Variants in USP35 observed in about 807,000 individuals in gnomAD.
The protein encoded by USP35 is ubiquitin specific peptidase 35.
USP35 carries 69 observed loss-of-function variants against 83.8 expected under a neutral mutation model. The ratio of observed to expected loss-of-function variants is 0.82; its 90% CI spans 0.68 to 1.01. USP35 has a LOEUF of 1.01. USP35 is among the 50% of genes least tolerant of loss of function. The pLI, the probability that USP35 is intolerant of heterozygous loss-of-function variation, is 0.00. For synonymous variants in USP35, 714 were observed against 589.5 expected, an observed-to-expected ratio of 1.21 and a Z score of -3.06; for missense variants, 1,503 against 1,362.5, an observed-to-expected ratio of 1.10 and a Z score of -1.62.
chr11:78,216,411 T>C (rs1021205421), downstream of USP35: 7 of 152,132 alleles, frequency 4.6e-5, no homozygotes, highest in African/African-American at 1.7e-4. Flanking sequence ...TTCAACTGAG[T>C]TGACTCCTTT....
downstream of USP35, among the ~76,000 whole-genome samples, chr11:78,219,740 G>A (rs1214776787): frequency 6.6e-6 from 1 of 152,156 alleles, no homozygotes; most frequent in Non-Finnish European, 1.5e-5. Flanking sequence ...TCTCTGTCAG[G>A]TCGCTCATCC....
intron 6 of USP35, among the ~76,000 whole-genome samples, chr11:78,202,539 C>T (rs1863386761): frequency 6.6e-6 from 1 of 152,174 alleles, no homozygotes; most frequent in Non-Finnish European, 1.5e-5. Context: ...TAAAGTTCTA[C>T]TGAAAATGAG....
downstream of USP35, chr11:78,219,360 T>C (rs772941154): frequency 6.2e-6 from 10 of 1,613,788 alleles, no homozygotes; most frequent in South Asian, 1.1e-4. Flanking sequence ...GGTCTTCTCC[T>C]TGTCCACCTG....
rs892310495 is a variant in USP35, at chr11:78,197,841, C to G, written c.674-95C>G. 7 of 1,493,630 alleles carry G rather than the reference C, an allele frequency of 4.7e-6. No individual in the cohort carries two copies. In the Admixed American group the frequency reaches 1.6e-4, roughly 33 times the overall value. The allele number at this position is 1,493,630 out of a possible 1,614,324, so 92.5% of individuals were successfully genotyped here. On this transcript the variant is annotated intron_variant, in intron 2 of 10. Transcript: ENST00000529308. The stretch of plus-strand genomic sequence containing the variant: ...GCCTCTGCTGTGCTCTTCCTAGAGG[C>G]CCAGCCCGGTTCGTTGGCTCCTGCA...
Position 78,214,049 on chromosome 11 carries a change from C to T in USP35, c.*236C>T. ...CCCAAGTGTCCTGGTTAACTTGAAG[C>T]AGCCGAGATGGGCACACACGGGTCT... On this transcript the variant is annotated 3_prime_UTR_variant, in exon 11 of 11. Coordinates refer to ENST00000529308, the MANE Select transcript of USP35 (RefSeq NM_020798.4). 2.3e-6 allele frequency: 1 copy of T among 427,418 alleles called. No homozygotes were observed. Among genetic ancestry groups the T allele is most frequent in the Non-Finnish European group, 4.0e-6 (1 of 249,164 alleles). 26.5% of individuals were successfully genotyped at this position (427,418 alleles called of 1,614,324 possible).
At chr11:78,198,240 G>C (rs538757791) in intron 3 of USP35, among the ~76,000 whole-genome samples, 172 bp downstream of exon 3, 7 of 152,328 alleles carry the variant, frequency 4.6e-5, no homozygotes, top group Admixed American at 3.9e-4. Flanking sequence ...GCCTTGCCTG[G>C]GGCTGGATGT....
At chr11:78,206,180 G>T in intron 7 of USP35, 145 bp downstream of exon 7, 1 of 1,128,424 alleles carries the variant, frequency 8.9e-7, no homozygotes, top group Non-Finnish European at 1.3e-6. Flanking sequence ...GGTCTGTGGG[G>T]ACAGAGAGCC....
chr11:78,205,360 G>C (rs1006815432), intron 6 of USP35, among the ~76,000 whole-genome samples: 3 of 152,226 alleles, frequency 2.0e-5, no homozygotes, highest in African/African-American at 7.2e-5. Context: ...ACACAAGGTA[G>C]GAGTATCATC....
chr11:78,226,975 C>T, the USP35 span: 1 of 1,613,766 alleles, frequency 6.2e-7, no homozygotes, highest in Non-Finnish European at 8.5e-7. Context: ...TGTCCATTGC[C>T]CTGGGCAAGT....
At position 78,196,221 on chromosome 11, in the gene USP35, C is replaced by G; in HGVS notation, c.-10-15C>G. 2 of 1,576,724 alleles carry G rather than the reference C, an allele frequency of 1.3e-6. No homozygotes were observed. Among genetic ancestry groups the G allele is most frequent in the Non-Finnish European group, 1.7e-6 (2 of 1,169,316 alleles). ...GCGGTTGTCGGGCTGTGACCTCATTCCCTGTCCTCCGCAGCGCGGGCGCCA... is the reference window on the plus strand; with the variant it reads ...GCGGTTGTCGGGCTGTGACCTCATTGCCTGTCCTCCGCAGCGCGGGCGCCA... On this transcript the variant is annotated splice_polypyrimidine_tract_variant and intron_variant, in intron 1 of 10. Coordinates refer to ENST00000529308, the MANE Select transcript of USP35 (RefSeq NM_020798.4). This position sits in a 1 kb window ranked among gnomAD's most constrained non-coding sequence, Gnocchi z 4.8.
chr11:78,227,761 C>T, the USP35 span, among the ~76,000 whole-genome samples: 1 of 152,042 alleles, frequency 6.6e-6, no homozygotes, highest in African/African-American at 2.4e-5. Context: ...GATCGCACCA[C>T]TGCATTCCAG....
chr11:78,221,982 G>C, the USP35 span: 1 of 740,776 alleles, frequency 1.3e-6, no homozygotes, highest in Non-Finnish European at 2.4e-6. Context: ...ATCGAGACAT[G>C]ATCAGCTAAT....
At chr11:78,223,034 G>A in the USP35 span, among the ~76,000 whole-genome samples, 1 of 152,220 alleles carries the variant, frequency 6.6e-6, no homozygotes. Context: ...TGAATTCCCT[G>A]TTGGCCAGAC....
chr11:78,236,601 T>C, the USP35 span, among the ~76,000 whole-genome samples: 1 of 152,230 alleles, frequency 6.6e-6, no homozygotes, highest in Non-Finnish European at 1.5e-5. Flanking sequence ...AGCTATAGGG[T>C]TCCTTAGAAG....
At chr11:78,198,220 C>T in intron 3 of USP35, 152 bp downstream of exon 3, 1 of 1,292,716 alleles carries the variant, frequency 7.7e-7, no homozygotes, top group South Asian at 1.4e-5. Context: ...TTTCTTGAGC[C>T]CTGCTCTGTG....
At position 78,214,474 on chromosome 11, in the gene USP35, T is replaced by C. The variant is rs3195744; in HGVS notation, c.*661T>C. On this transcript the variant is annotated 3_prime_UTR_variant, in exon 11 of 11. Transcript: ENST00000529308. ...TCAGGGCCTGAGAAGCCACCACTTG[T>C]ATCCCCCTTGTGGTTAGAGTCCTGA... The C allele has an allele frequency of 0.94, 143,021 of 151,402 alleles. 67,962 individuals carry two copies. Among genetic ancestry groups the C allele is most frequent in the African/African-American group, 0.99 (40,767 of 41,220 alleles). 9.4% of individuals were successfully genotyped at this position (151,402 alleles called of 1,614,324 possible).
chr11:78,219,245 C>G (rs2134448552), downstream of USP35: 2 of 1,609,948 alleles, frequency 1.2e-6, no homozygotes, highest in Non-Finnish European at 1.7e-6. Context: ...GAGATGCTGC[C>G]TCCTGGGCTC....
At chr11:78,232,221 A>G in the USP35 span, among the ~76,000 whole-genome samples, 1 of 152,204 alleles carries the variant, frequency 6.6e-6, no homozygotes, top group African/African-American at 2.4e-5. Flanking sequence ...TAATTTTACC[A>G]TTTACCCACC....
downstream of USP35, chr11:78,216,257 G>A (rs781760438): frequency 3.3e-5 from 5 of 152,230 alleles, no homozygotes; most frequent in African/African-American, 4.8e-5. Flanking sequence ...AGTGGGTGAA[G>A]AAGGCTCCTT....
Sources: allele counts gnomAD v4.1 joint callset (sites outside exome capture counted in the v4.1 genomes callset), GRCh38; gene constraint gnomAD v4.1.1; non-coding constraint Gnocchi (gnomAD v3.1); transcripts MANE v1.5; gene names NCBI Gene and HGNC (gene_info 2026-07-23, HGNC 2026-07-21).